The following ZNF704 variants were observed in gnomAD, a reference collection of about 807,000 sequenced individuals.
ZNF704 encodes zinc finger protein 704.
A neutral mutation model predicts 44.7 loss-of-function variants in ZNF704; 10 were observed. That is an observed-to-expected ratio of 0.22 (90% CI 0.14 to 0.38). The LOEUF (loss-of-function observed/expected upper bound fraction) is 0.38, where lower values mean the gene tolerates loss of function less well. Among genes scored for constraint, ZNF704 ranks in the 10% least tolerant of loss-of-function variants. The pLI, the probability that ZNF704 is intolerant of heterozygous loss-of-function variation, is 1.00. For synonymous variants in ZNF704, 211 were observed against 207.6 expected (o/e 1.02, Z -0.14); for missense variants, 390 against 545.5 (o/e 0.71, Z 2.84).
chr8:80,659,520 T>C, intron 7 of ZNF704, 65 bp downstream of exon 7: 1 of 1,337,136 alleles, frequency 7.5e-7, no homozygotes, highest in Admixed American at 1.7e-5. Flanking sequence ...CTCTACTATT[T>C]GTTCGCTAAA....
intron 2 of ZNF704, among the ~76,000 whole-genome samples, chr8:80,721,846 G>A (rs1819171714): frequency 6.6e-6 from 1 of 152,122 alleles, no homozygotes; most frequent in South Asian, 2.1e-4. Context: ...TTACATATAT[G>A]GACTTTACAC....
At chr8:80,671,851 C>T (rs1818286200) in intron 4 of ZNF704, among the ~76,000 whole-genome samples, 1 of 152,150 alleles carries the variant, frequency 6.6e-6, no homozygotes, top group Admixed American at 6.5e-5. Context: ...CAGTGTCACC[C>T]CCAGTCTGCT....
rs1363982458 is a variant in ZNF704, at chr8:80,709,441, TCAAA to T, written c.222-16338_222-16335del. Among the ~76,000 whole-genome samples the T allele has an allele frequency of 4.8e-4, 16 of 33,350 alleles. 2 individuals are homozygous for T. The highest frequency in any genetic ancestry group is 1.2e-3 in the African/African-American group (16 of 13,542). 21.9% of individuals were successfully genotyped at this position (33,350 alleles called of 152,430 possible). ...CTTGGCAACAGTGCGAGACTCCATCTCAAAAAAAAAAAAAAAAAAAAAAAAAAAA... is the reference window on the plus strand; with the variant it reads ...CTTGGCAACAGTGCGAGACTCCATCTAAAAAAAAAAAAAAAAAAAAAAAAA... On this transcript the variant is annotated intron_variant, in intron 2 of 8. Coordinates refer to ENST00000327835, the MANE Select transcript of ZNF704 (RefSeq NM_001033723.3).
intron 1 of ZNF704, among the ~76,000 whole-genome samples, chr8:80,833,587 C>T (rs1049428718): frequency 6.6e-6 from 1 of 152,176 alleles, no homozygotes; most frequent in African/African-American, 2.4e-5. Flanking sequence ...CAATTACTAG[C>T]CCATTGATTA....
In ZNF704 at chr8:80,717,338, G is replaced by A. The variant is rs530144764; in HGVS notation, c.222-24231C>T. 2.0e-5 allele frequency among the ~76,000 whole-genome samples: 3 copies of A among 152,310 alleles called. No homozygotes were observed. In the East Asian group the frequency reaches 5.8e-4, roughly 29 times the overall value. On this transcript the variant is annotated intron_variant, in intron 2 of 8. Transcript: ENST00000327835. ...TCCTACTATGTGCAAGTTCATGCCA[G>A]GCACTGAGGATGCAGCGAGCTGCAT...
chr8:80,873,846 C>G (rs113761725), intron 1 of ZNF704, among the ~76,000 whole-genome samples: 2 of 146,500 alleles, frequency 1.4e-5, no homozygotes, highest in African/African-American at 4.9e-5. Context: ...GGGCCGGTCC[C>G]GGCGCTGCGC....
At chr8:80,808,451 A>G (rs1252908051) in intron 2 of ZNF704, among the ~76,000 whole-genome samples, 2 of 152,232 alleles carry the variant, frequency 1.3e-5, no homozygotes, top group Non-Finnish European at 2.9e-5. Flanking sequence ...TTAATTTTCA[A>G]GTTGTAACTT....
chr8:80,692,020 C>CT (rs1002892682), intron 3 of ZNF704, among the ~76,000 whole-genome samples: 8 of 151,504 alleles, frequency 5.3e-5, no homozygotes, highest in African/African-American at 1.2e-4. Context: ...CCACCAAGAT[C>CT]TTTTTTTTTC....
chr8:80,833,934 T>C (rs955283068), intron 1 of ZNF704, among the ~76,000 whole-genome samples: 6 of 152,200 alleles, frequency 3.9e-5, no homozygotes, highest in African/African-American at 1.4e-4. Context: ...GCTGTTCTAC[T>C]GGAATTCAAG....
intron 2 of ZNF704, among the ~76,000 whole-genome samples, chr8:80,698,751 A>G (rs1818763623): frequency 6.6e-6 from 1 of 152,248 alleles, no homozygotes; most frequent in East Asian, 1.9e-4. Context: ...GCGCAGCATC[A>G]GCAGAGGCAG....
chr8:80,710,670 G>A (rs928146101), intron 2 of ZNF704, among the ~76,000 whole-genome samples: 1 of 152,126 alleles, frequency 6.6e-6, no homozygotes, highest in Non-Finnish European at 1.5e-5. Context: ...TACCGTGTGA[G>A]GACACAGCAA....
intron 2 of ZNF704, among the ~76,000 whole-genome samples, chr8:80,791,042 G>A (rs974226259): frequency 1.3e-5 from 2 of 152,052 alleles, no homozygotes; most frequent in Non-Finnish European, 2.9e-5. Context: ...GAGAGAAAAG[G>A]GAGCACTATA....
the ZNF704 span, among the ~76,000 whole-genome samples, chr8:80,881,965 T>A: frequency 7.2e-5 from 11 of 152,218 alleles, no homozygotes; most frequent in South Asian, 2.3e-3. Flanking sequence ...ATTCAAATAT[T>A]ACAGTTAATT....
chr8:80,840,858 T>C (rs1438611309), intron 1 of ZNF704, among the ~76,000 whole-genome samples: 3 of 152,238 alleles, frequency 2.0e-5, no homozygotes, highest in East Asian at 3.8e-4. Context: ...ATTAGCTCCC[T>C]TGAAGCATCA....
At chr8:80,676,903 G>A (rs1287719265) in intron 4 of ZNF704, among the ~76,000 whole-genome samples, 3 of 152,220 alleles carry the variant, frequency 2.0e-5, no homozygotes, top group African/African-American at 7.2e-5. Flanking sequence ...GGTAATGCTC[G>A]CTTGCCTCCT....
At chr8:80,862,150 C>T in intron 1 of ZNF704, among the ~76,000 whole-genome samples, 1 of 151,354 alleles carries the variant, frequency 6.6e-6, no homozygotes, top group Non-Finnish European at 1.5e-5. Context: ...ATTACAGGCA[C>T]CCGCCACCAC....
intron 1 of ZNF704, among the ~76,000 whole-genome samples, chr8:80,849,803 T>C (rs528323050): frequency 2.6e-5 from 4 of 152,336 alleles, no homozygotes; most frequent in South Asian, 4.1e-4. Context: ...GGTTTTATGA[T>C]AGTTTTTTAC....
At position 80,871,981 on chromosome 8, in the gene ZNF704, TA is replaced by T. The variant is rs1181776011; in HGVS notation, c.-22+2589del. Among the ~76,000 whole-genome samples, 10 of 152,272 alleles carry T rather than the reference TA, an allele frequency of 6.6e-5. 1 individual carries two copies. The East Asian group carries it at 1.9e-3, about 29-fold the overall frequency. On this transcript the variant is annotated intron_variant, in intron 1 of 8. Coordinates refer to ENST00000327835, the MANE Select transcript of ZNF704 (RefSeq NM_001033723.3). Reference sequence around the variant, plus strand: ...ATTATCACACTCATTATTCTGTTTTTACGGATTTGATTTTTTCCCTATATTA... The same window carrying T: ...ATTATCACACTCATTATTCTGTTTTTCGGATTTGATTTTTTCCCTATATTA...
intron 1 of ZNF704, among the ~76,000 whole-genome samples, chr8:80,842,223 T>C (rs1278265808): frequency 6.6e-6 from 1 of 152,100 alleles, no homozygotes; most frequent in East Asian, 1.9e-4. Flanking sequence ...CCTTACTAGG[T>C]TGATCTGGAG....
Sources: gnomAD v4.1 joint callset for allele counts (sites outside exome capture counted in the v4.1 genomes callset) on GRCh38, gnomAD v4.1.1 for gene constraint, MANE v1.5 for transcripts, NCBI Gene and HGNC (gene_info 2026-07-23, HGNC 2026-07-21) for gene names.